The following SLIT2 variants were observed in gnomAD, a reference collection of about 807,000 sequenced individuals.
SLIT2 encodes the protein slit guidance ligand 2.
Under a neutral mutation model 185.7 loss-of-function variants are expected in SLIT2, and 41 were observed. The ratio of observed to expected loss-of-function variants is 0.22; its 90% CI spans 0.17 to 0.29. SLIT2 has a LOEUF of 0.29. Ranked by LOEUF, SLIT2 falls within the 10% of genes least tolerant of loss-of-function variation. The pLI is 1.00. For synonymous variants in SLIT2, 693 were observed against 680.2 expected (o/e 1.02, Z -0.29); for missense variants, 1,571 against 1,909.0 (o/e 0.82, Z 3.30).
chr4:20,472,810 C>G (rs916699570), intron 5 of SLIT2, among the ~76,000 whole-genome samples: 2 of 150,500 alleles, frequency 1.3e-5, no homozygotes, highest in Admixed American at 6.7e-5. Context: ...TCTCACTTTA[C>G]TGCCAAGAAT....
intron 5 of SLIT2, among the ~76,000 whole-genome samples, chr4:20,476,544 CTT>C (rs748678901): frequency 1.3e-5 from 2 of 152,078 alleles, no homozygotes; most frequent in African/African-American, 2.4e-5. Context: ...TCCAGATTGA[CTT>C]AGAAATTATT....
At chr4:20,594,213 A>G (rs1213778008) in intron 30 of SLIT2, among the ~76,000 whole-genome samples, 4 of 150,162 alleles carry the variant, frequency 2.7e-5, no homozygotes, top group Non-Finnish European at 5.9e-5. Flanking sequence ...GTATGTGTGT[A>G]TATATGTATA....
intron 4 of SLIT2, among the ~76,000 whole-genome samples, chr4:20,463,510 CAT>C (rs1337472057): frequency 1.3e-3 from 53 of 42,110 alleles, no homozygotes; most frequent in South Asian, 5.9e-3. Context: ...TGCGTATATC[CAT>C]ATATGTGTGT....
intron 4 of SLIT2, among the ~76,000 whole-genome samples, chr4:20,378,306 T>G (rs1724202863): frequency 6.6e-6 from 1 of 152,170 alleles, no homozygotes; most frequent in Non-Finnish European, 1.5e-5. Context: ...GAAATCTATC[T>G]GCATGTAAAC....
At position 20,347,265 on chromosome 4, in the gene SLIT2, C is replaced by T. The variant is rs1423652491; in HGVS notation, c.395+78384C>T. Among the ~76,000 whole-genome samples the T allele has an allele frequency of 3.9e-5, 6 of 152,208 alleles. No homozygotes were observed. The East Asian group carries it at 1.2e-3, about 29-fold the overall frequency. Reference sequence around the variant, plus strand: ...TTAGGTAAAGGAGGCAGGGCTCAAGCCCACATCTATTCAACCTTAGAATCC... The same window carrying T: ...TTAGGTAAAGGAGGCAGGGCTCAAGTCCACATCTATTCAACCTTAGAATCC... On this transcript the variant is annotated intron_variant, in intron 4 of 36. Transcript: ENST00000504154.
intron 14 of SLIT2, 100 bp from the exon 15 acceptor site, chr4:20,525,049 A>C (rs1192641860): frequency 3.6e-6 from 3 of 841,102 alleles, no homozygotes; most frequent in African/African-American, 1.7e-5. Flanking sequence ...TTTTCACTTA[A>C]TTGCAGTAAC....
chr4:20,569,496 T>C (rs532853107), intron 29 of SLIT2, among the ~76,000 whole-genome samples: 3 of 152,108 alleles, frequency 2.0e-5, no homozygotes, highest in Non-Finnish European at 1.5e-5. Flanking sequence ...GATAGTCTTA[T>C]AAGACTATCA....
chr4:20,502,719 A>C (rs993183750), intron 9 of SLIT2, among the ~76,000 whole-genome samples: 2 of 152,192 alleles, frequency 1.3e-5, no homozygotes, highest in Non-Finnish European at 2.9e-5. Context: ...CAGTTGTTAG[A>C]ATATAAAGTG....
At chr4:20,489,006 T>A (rs755736613) in intron 8 of SLIT2, 24 bp downstream of exon 8, 3 of 1,574,284 alleles carry the variant, frequency 1.9e-6, no homozygotes, top group Non-Finnish European at 2.6e-6. Flanking sequence ...AAGAGTGATG[T>A]TATTGTGTTT....
At chr4:20,361,507 A>G (rs946176647) in intron 4 of SLIT2, among the ~76,000 whole-genome samples, 4 of 152,154 alleles carry the variant, frequency 2.6e-5, no homozygotes, top group Non-Finnish European at 4.4e-5. Context: ...CCAAACTTAT[A>G]AAATGTTAGT....
intron 29 of SLIT2, among the ~76,000 whole-genome samples, chr4:20,570,731 GTATATATATATA>G (rs55841917): frequency 0.072 from 9,016 of 125,488 alleles, 569 homozygotes; most frequent in African/African-American, 0.16. Context: ...ATATATATAT[GTATATATATATA>G]TATATATATA....
At chr4:20,430,431 A>G (rs1366022124) in intron 4 of SLIT2, among the ~76,000 whole-genome samples, 4 of 152,216 alleles carry the variant, frequency 2.6e-5, no homozygotes, top group Non-Finnish European at 4.4e-5. Flanking sequence ...CCTCTCAGGC[A>G]GATGCACTCT....
chr4:20,555,979 G>A (rs1724221454), intron 26 of SLIT2, among the ~76,000 whole-genome samples: 1 of 152,010 alleles, frequency 6.6e-6, no homozygotes, highest in African/African-American at 2.4e-5. Context: ...CCAAAAGGCT[G>A]TAAGTTTTTA....
At chr4:20,403,170 AT>A (rs1342634723) in intron 4 of SLIT2, among the ~76,000 whole-genome samples, 5 of 152,010 alleles carry the variant, frequency 3.3e-5, no homozygotes, top group South Asian at 2.1e-4. Context: ...TATGTCATAC[AT>A]TTTTTTAAGT....
intron 34 of SLIT2, among the ~76,000 whole-genome samples, chr4:20,613,934 C>T (rs559076977): frequency 1.3e-4 from 20 of 152,216 alleles, no homozygotes; most frequent in Admixed American, 2.6e-4. Flanking sequence ...CGCAATGGCA[C>T]GATTTTGGCT....
At chr4:20,500,019 AT>A (rs1458049173) in intron 9 of SLIT2, among the ~76,000 whole-genome samples, 2 of 152,284 alleles carry the variant, frequency 1.3e-5, no homozygotes, top group African/African-American at 4.8e-5. Context: ...AACTTGACTA[AT>A]TTTTTTACAG....
intron 4 of SLIT2, among the ~76,000 whole-genome samples, chr4:20,278,573 A>G (rs1714401072): frequency 1.3e-5 from 2 of 152,194 alleles, no homozygotes; most frequent in South Asian, 2.1e-4. Flanking sequence ...CGCTTTAAAC[A>G]TTTTATCTTC....
intron 33 of SLIT2, among the ~76,000 whole-genome samples, chr4:20,603,109 C>T (rs937661629): frequency 2.6e-5 from 4 of 152,168 alleles, no homozygotes; most frequent in Admixed American, 2.6e-4. Flanking sequence ...GTTTAATTGA[C>T]TCACAGTTCC....
intron 9 of SLIT2, among the ~76,000 whole-genome samples, chr4:20,508,640 CATAA>C (rs1026153185): frequency 4.0e-5 from 6 of 151,888 alleles, no homozygotes; most frequent in African/African-American, 1.4e-4. Flanking sequence ...AATAAATATG[CATAA>C]ATAAATATGC....
Sources: allele counts gnomAD v4.1 joint callset (sites outside exome capture counted in the v4.1 genomes callset), GRCh38; gene constraint gnomAD v4.1.1; transcripts MANE v1.5; gene names NCBI Gene and HGNC (gene_info 2026-07-23, HGNC 2026-07-21).